Variants in BTBD9 observed in about 807,000 individuals in gnomAD.
The protein encoded by BTBD9 is BTB domain containing 9, also known as BTB/POZ domain-containing protein 9.
Under a neutral mutation model 64.3 loss-of-function variants are expected in BTBD9, and 49 were observed. That is an observed-to-expected ratio of 0.76 (90% CI 0.61 to 0.97). The LOEUF is 0.97. Among genes scored for constraint, BTBD9 ranks in the 50% least tolerant of loss-of-function variants. BTBD9 has a pLI of 0.00. For synonymous variants in BTBD9, 260 were observed against 274.7 expected, an observed-to-expected ratio of 0.95 and a Z score of 0.53; for missense variants, 598 against 762.1, an observed-to-expected ratio of 0.78 and a Z score of 2.53.
chr6:38,266,529 T>G (rs964661085), intron 8 of BTBD9, among the ~76,000 whole-genome samples: 8 of 150,712 alleles, frequency 5.3e-5, no homozygotes, highest in Non-Finnish European at 8.8e-5. Context: ...GCCGAGATTG[T>G]GCCATTGCAT....
chr6:38,315,101 G>A (rs2127573046), intron 7 of BTBD9, among the ~76,000 whole-genome samples: 1 of 152,308 alleles, frequency 6.6e-6, no homozygotes, highest in South Asian at 2.1e-4. Flanking sequence ...GCCTGCCTCA[G>A]CCTCCCAAAG....
intron 6 of BTBD9, among the ~76,000 whole-genome samples, chr6:38,480,476 G>A (rs956711077): frequency 6.6e-6 from 1 of 152,176 alleles, no homozygotes; most frequent in African/African-American, 2.4e-5. Context: ...ATGGGCATTG[G>A]TGGGTTACAC....
At chr6:38,464,490 C>CTTTT (rs781372349) in intron 6 of BTBD9, among the ~76,000 whole-genome samples, 3 of 150,634 alleles carry the variant, frequency 2.0e-5, no homozygotes, top group Non-Finnish European at 4.4e-5. Context: ...CTATAATTTT[C>CTTTT]TTTTCTTTTC....
At chr6:38,238,627 C>T (rs1051335925) in intron 9 of BTBD9, among the ~76,000 whole-genome samples, 13 of 152,174 alleles carry the variant, frequency 8.5e-5, no homozygotes, top group African/African-American at 2.6e-4. Flanking sequence ...CGCCCACCAC[C>T]ACGCCCAGCT....
At chr6:38,396,441 A>G (rs1273686708) in intron 6 of BTBD9, among the ~76,000 whole-genome samples, 1 of 152,238 alleles carries the variant, frequency 6.6e-6, no homozygotes, top group African/African-American at 2.4e-5. Context: ...AACAGTTGCC[A>G]AGCGGTTGGA....
chr6:38,611,966 G>A (rs1369082412), intron 1 of BTBD9, among the ~76,000 whole-genome samples: 5 of 152,044 alleles, frequency 3.3e-5, no homozygotes, highest in Admixed American at 2.0e-4. Context: ...GTTTCCAACT[G>A]TCAAGTCTAT....
In BTBD9 at chr6:38,442,315, G is replaced by A. The variant is rs535765726; in HGVS notation, c.1155-97222C>T. Among the ~76,000 whole-genome samples the A allele has an allele frequency of 1.9e-4, 29 of 151,986 alleles. No individual in the cohort carries two copies. In the East Asian group the frequency reaches 4.7e-3, roughly 24 times the overall value. ...AGCCTGGCCAACATAGTGAAACCCC[G>A]TCTCTACTAAAAATATAAAAATTAG... On this transcript the variant is annotated intron_variant, in intron 6 of 10. Coordinates refer to ENST00000481247, the MANE Select transcript of BTBD9 (RefSeq NM_001099272.2).
intron 6 of BTBD9, among the ~76,000 whole-genome samples, chr6:38,535,341 G>A (rs545079694): frequency 6.6e-6 from 1 of 152,160 alleles, no homozygotes; most frequent in East Asian, 1.9e-4. Context: ...AAACATTGAT[G>A]CAAGAAATTG....
At chr6:38,297,677 A>T (rs947164379) in intron 7 of BTBD9, among the ~76,000 whole-genome samples, 24 of 152,124 alleles carry the variant, frequency 1.6e-4, no homozygotes, top group African/African-American at 5.6e-4. Flanking sequence ...ATAGATTTTT[A>T]AAAGATTCAG....
chr6:38,346,659 G>A (rs966284893), intron 6 of BTBD9, among the ~76,000 whole-genome samples: 12 of 152,206 alleles, frequency 7.9e-5, no homozygotes, highest in Admixed American at 2.6e-4. Context: ...AGTTCTTACC[G>A]GTCTGGGTAG....
chr6:38,365,758 CAAAA>C (rs34375597), intron 6 of BTBD9, among the ~76,000 whole-genome samples: 3 of 115,854 alleles, frequency 2.6e-5, no homozygotes, highest in Non-Finnish European at 3.7e-5. Context: ...GATCCTGACT[CAAAA>C]AAAAAAAAAA....
At chr6:38,328,274 C>T (rs1053263462) in intron 7 of BTBD9, among the ~76,000 whole-genome samples, 3 of 152,144 alleles carry the variant, frequency 2.0e-5, no homozygotes, top group African/African-American at 7.2e-5. Flanking sequence ...TATACTGAAG[C>T]TTCACCCCTA....
Position 38,174,691 on chromosome 6 carries a change from C to T in BTBD9, c.*294G>A. On this transcript the variant is annotated 3_prime_UTR_variant, in exon 11 of 11. Coordinates refer to ENST00000481247, the MANE Select transcript of BTBD9 (RefSeq NM_001099272.2). ...GGCCTGTCTATGACTTCCTCCTGTT[C>T]CCTGCGCCTGGGCTAGATTAGAGAG... is the stretch of plus-strand genomic sequence containing the variant. The T allele has an allele frequency of 2.4e-6, 1 of 422,132 alleles. No individual in the cohort carries two copies. The highest frequency in any genetic ancestry group is 4.2e-6 in the Non-Finnish European group (1 of 235,866). 26.1% of individuals were successfully genotyped at this position (422,132 alleles called of 1,614,324 possible).
chr6:38,547,872 GCAGGGA>G (rs1388463832), intron 6 of BTBD9, among the ~76,000 whole-genome samples: 2 of 152,208 alleles, frequency 1.3e-5, no homozygotes, highest in East Asian at 3.9e-4. Context: ...CTCCTTAGTG[GCAGGGA>G]CTTTTTCTGT....
chr6:38,356,199 T>G (rs1764723204), intron 6 of BTBD9, among the ~76,000 whole-genome samples: 1 of 152,182 alleles, frequency 6.6e-6, no homozygotes, highest in Non-Finnish European at 1.5e-5. Context: ...GCTGTGGGTC[T>G]ATTTTCTTCC....
chr6:38,357,404 G>GAA (rs1764766944), intron 6 of BTBD9, among the ~76,000 whole-genome samples: 1 of 152,036 alleles, frequency 6.6e-6, no homozygotes, highest in East Asian at 1.9e-4. Flanking sequence ...TTATCCTTGT[G>GAA]GGTTTACACC....
rs574229165 is a variant in BTBD9 at position 38,279,636 on chromosome 6, C to T, written c.1454+8636G>A. Among the ~76,000 whole-genome samples, 6 of 152,272 alleles carry T rather than the reference C, an allele frequency of 3.9e-5. No homozygotes were observed. In the East Asian group the frequency reaches 1.2e-3, roughly 29 times the overall value. ...TGACCCCGTGTGGCCTATCCTGGGGCAGCAGCATATAAAACATCTGCCACA... is the reference window on the plus strand; with the variant it reads ...TGACCCCGTGTGGCCTATCCTGGGGTAGCAGCATATAAAACATCTGCCACA... On this transcript the variant is annotated intron_variant, in intron 8 of 10. Coordinates refer to ENST00000481247, the MANE Select transcript of BTBD9 (RefSeq NM_001099272.2).
At position 38,171,880 on chromosome 6, in the gene BTBD9, A is replaced by AAAAAAAAAT. The variant is rs1766800472; in HGVS notation, c.*3104_*3105insATTTTTTTT. 2 of 89,556 alleles carry AAAAAAAAAT rather than the reference A, an allele frequency of 2.2e-5. No individual in the cohort carries two copies. The highest frequency in any genetic ancestry group is 1.0e-4 in the African/African-American group (2 of 19,674). 5.5% of individuals were successfully genotyped at this position (89,556 alleles called of 1,614,324 possible). A position where few individuals can be genotyped will look rare whatever the true frequency, so the allele number is the denominator to read the frequency against. On this transcript the variant is annotated 3_prime_UTR_variant, in exon 11 of 11. Transcript: ENST00000481247. ...AAAAAAAAAAAAAAAAAAAAAAAAA[A>AAAAAAAAAT]AATAATAATAATAATAATAATAATA...
chr6:38,586,755 T>C (rs1776549299), intron 4 of BTBD9, among the ~76,000 whole-genome samples: 1 of 152,284 alleles, frequency 6.6e-6, no homozygotes, highest in African/African-American at 2.4e-5. Flanking sequence ...GAAAACAATG[T>C]CATGAATGTT....
Sources: allele counts gnomAD v4.1 joint callset (sites outside exome capture counted in the v4.1 genomes callset), GRCh38; gene constraint gnomAD v4.1.1; transcripts MANE v1.5; gene names NCBI Gene and HGNC (gene_info 2026-07-23, HGNC 2026-07-21).